The following TRIM66 variants were observed in gnomAD, a reference collection of about 807,000 sequenced individuals.
TRIM66 encodes the protein tripartite motif containing 66.
A neutral mutation model predicts 148.2 loss-of-function variants in TRIM66; 99 were observed. That is an observed-to-expected ratio of 0.67 (90% CI 0.57 to 0.79). TRIM66 has a LOEUF of 0.79. Ranked by LOEUF, TRIM66 falls within the 30% of genes least tolerant of loss-of-function variation. The pLI is 0.00. For missense variants in TRIM66, 1,666 were observed against 1,697.9 expected (o/e 0.98, Z 0.33); for synonymous variants, 616 against 635.9 (o/e 0.97, Z 0.47).
At chr11:8,676,526 G>C (rs1272865518) in intron 3 of TRIM66, among the ~76,000 whole-genome samples, 1 of 152,180 alleles carries the variant, frequency 6.6e-6, no homozygotes, top group Non-Finnish European at 1.5e-5. Flanking sequence ...CAGGGAGGTA[G>C]CATGGCTTTC....
At position 8,649,851 on chromosome 11, in the gene TRIM66, T is replaced by C; in HGVS notation, c.481A>G (p.Ile161Val). ...SECKEKRAAH[I>V]LCTYCNRWLC... is the part of the protein sequence containing the mutation. The stretch of plus-strand genomic sequence containing the variant: ...CAGCGATTGCAGTAGGTGCAGAGGA[T>C]ATGTGCTGCCCTCTTCTCCTTGCAC... Residue 161 changes from isoleucine (I) to valine (V), a missense_variant, in exon 8 of 25, where the codon ATC becomes GTC. Physicochemically the swap from Ile to Val is conservative, Grantham distance 29 (BLOSUM62 3). Transcript: ENST00000646038. 1 of 1,551,596 alleles carries C rather than the reference T, an allele frequency of 6.4e-7. No homozygotes were observed. The highest frequency in any genetic ancestry group is 2.4e-5 in the East Asian group (1 of 40,908).
rs778608232 is a variant in TRIM66 at position 8,625,104 on chromosome 11, G to A, written c.2435C>T (p.Pro812Leu). 19 of 1,551,574 alleles carry A rather than the reference G, an allele frequency of 1.2e-5. No homozygotes were observed. In the African/African-American group the frequency reaches 2.3e-4, roughly 19 times the overall value. ...ACTCAGCAGGCTTGGTACTGCCTGG[G>A]GGGCACCAGCTGTCAGGTTGCTCAC... is the stretch of plus-strand genomic sequence containing the variant. ...QSVSNLTAGA[P>L]QAVPSLLSAP... The change falls in exon 16 of 25, where the codon CCC becomes CTC. Residue 812 changes from proline to leucine, a missense_variant. Pro to Leu is a moderately conservative substitution (Grantham distance 98). Transcript: ENST00000646038.
At chr11:8,652,088 T>TG (rs1370981451) in intron 6 of TRIM66, among the ~76,000 whole-genome samples, 185 bp from the exon 7 acceptor site, 13 of 152,294 alleles carry the variant, frequency 8.5e-5, no homozygotes, top group Admixed American at 7.8e-4. Context: ...ACCATCCCAT[T>TG]GGGGCCTTCC....
At chr11:8,652,003 C>G in intron 6 of TRIM66, 100 bp from the exon 7 acceptor site, 3 of 915,030 alleles carry the variant, frequency 3.3e-6, no homozygotes, top group East Asian at 2.6e-5. Flanking sequence ...AGATACATGG[C>G]AATACCCATG....
At chr11:8,683,044 G>T, upstream of TRIM66, 1 of 864,108 alleles carries the variant, frequency 1.2e-6, no homozygotes, top group Non-Finnish European at 1.8e-6. Flanking sequence ...CTACCGTGGT[G>T]AGACCTCACG....
chr11:8,622,806 A>G lies in TRIM66; in HGVS notation c.3080+10T>C, dbSNP rs942798417. The G allele has an allele frequency of 4.5e-6, 7 of 1,551,622 alleles. No individual in the cohort carries two copies. In the African/African-American group the frequency reaches 9.6e-5, roughly 21 times the overall value. ...ATGGGTGGGAGGGAGATTAGCCAGA[A>G]GGCTGTTACCTGATGCTCTGGTTCT... On this transcript the variant is annotated intron_variant, in intron 18 of 24. Coordinates refer to ENST00000646038, the MANE Select transcript of TRIM66 (RefSeq NM_001388022.1).
chr11:8,640,795 AG>A lies in TRIM66; in HGVS notation c.1579del (p.Leu527CysfsTer25). 1 of 1,551,002 alleles carries A rather than the reference AG, an allele frequency of 6.4e-7. No individual in the cohort carries two copies. Among genetic ancestry groups the A allele is most frequent in the Non-Finnish European group, 8.7e-7 (1 of 1,146,974 alleles). On this transcript the variant is annotated frameshift_variant, in exon 14 of 25. Transcript: ENST00000646038. LOFTEE classifies it high-confidence loss of function. Reference sequence around the variant, plus strand: ...CTGGGTTTCCAGCCAGGGCTGCAGCAGCTTTGGTGGATGAGGGCTGCAGGCC... The same window carrying A: ...CTGGGTTTCCAGCCAGGGCTGCAGCACTTTGGTGGATGAGGGCTGCAGGCC... ...ELACSPHPPK[L>X]LQPWLETQPP...
chr11:8,678,885 G>T (rs984685108), intron 3 of TRIM66, among the ~76,000 whole-genome samples: 1 of 152,180 alleles, frequency 6.6e-6, no homozygotes, highest in African/African-American at 2.4e-5. Context: ...AAGGCCACCT[G>T]GAGAGAGGCC....
At position 8,612,346 on chromosome 11, in the gene TRIM66, G is replaced by A. The variant is rs887562379; in HGVS notation, c.*5598C>T. The A allele has an allele frequency of 1.3e-5, 2 of 152,158 alleles. No homozygotes were observed. Among genetic ancestry groups the A allele is most frequent in the Non-Finnish European group, 2.9e-5 (2 of 68,054 alleles). 9.4% of individuals were successfully genotyped at this position (152,158 alleles called of 1,614,324 possible). ...CTCCCCCAGCTGTGTCCCACCCCTG[G>A]AATTCCCCTGTTCCTTATGTGGCCT... On this transcript the variant is annotated 3_prime_UTR_variant, in exon 25 of 25. Transcript: ENST00000646038.
chr11:8,612,225 G>C lies in TRIM66; in HGVS notation c.*5719C>G, dbSNP rs1013774941. On this transcript the variant is annotated 3_prime_UTR_variant, in exon 25 of 25. Transcript: ENST00000646038. ...AAGAAAGGGGTACAGCTTGAGGAAT[G>C]GGCATATGGCTCAGGAAGCAGCACC... The C allele has an allele frequency of 6.6e-6, 1 of 152,150 alleles. No individual in the cohort carries two copies. The highest frequency in any genetic ancestry group is 6.5e-5 in the Admixed American group (1 of 15,278). The allele number at this position is 152,150 out of a possible 1,614,324, so 9.4% of individuals were successfully genotyped here. A position where few individuals can be genotyped will look rare whatever the true frequency, so the allele number is the denominator to read the frequency against.
rs55732506 is a variant in TRIM66, at chr11:8,628,636, A to AAGAGAGAGAG, written c.2311-3409_2311-3408insCTCTCTCTCT. 1.0e-3 allele frequency among the ~76,000 whole-genome samples: 94 copies of AAGAGAGAGAG among 93,342 alleles called. 2 individuals are homozygous for AAGAGAGAGAG. The highest frequency in any genetic ancestry group is 1.6e-3 in the Non-Finnish European group (68 of 42,942). 61.2% of individuals were successfully genotyped at this position (93,342 alleles called of 152,430 possible). On this transcript the variant is annotated intron_variant, in intron 15 of 24. Coordinates refer to ENST00000646038, the MANE Select transcript of TRIM66 (RefSeq NM_001388022.1). ...TCAAAAAAAAAAAAAAAAAAAAAAA[A>AAGAGAGAGAG]AGAGAGAGAATCCAGATCTTTGGTA... is the stretch of plus-strand genomic sequence containing the variant.
rs776834444 is a variant in TRIM66, at chr11:8,614,916, A to C, written c.*3028T>G. ...CATGTTCTGTGGAAGAGTGCTCTGC[A>C]AGTTCATCCTGAACCAATTTTTTTT... On this transcript the variant is annotated 3_prime_UTR_variant, in exon 25 of 25. Coordinates refer to ENST00000646038, the MANE Select transcript of TRIM66 (RefSeq NM_001388022.1). 3 of 152,266 alleles carry C rather than the reference A, an allele frequency of 2.0e-5. No individual in the cohort carries two copies. Among genetic ancestry groups the C allele is most frequent in the Non-Finnish European group, 4.4e-5 (3 of 68,112 alleles). The allele number at this position is 152,266 out of a possible 1,614,324, so 9.4% of individuals were successfully genotyped here.
intron 15 of TRIM66, among the ~76,000 whole-genome samples, chr11:8,625,996 T>G (rs971425242): frequency 6.6e-6 from 1 of 152,202 alleles, no homozygotes; most frequent in Admixed American, 6.5e-5. Flanking sequence ...AATCTTAATA[T>G]CACCCAATCC....
intron 3 of TRIM66, among the ~76,000 whole-genome samples, chr11:8,678,418 A>C (rs948653740): frequency 6.6e-6 from 1 of 152,254 alleles, no homozygotes; most frequent in East Asian, 1.9e-4. Flanking sequence ...GGATTTGTAT[A>C]CTATGATCAC....
Position 8,619,060 on chromosome 11 carries a change from A to G in TRIM66, c.3901-92T>C, listed in dbSNP as rs532437708. 4.9e-5 allele frequency: 59 copies of G among 1,207,674 alleles called. 1 individual carries two copies. In the South Asian group the frequency reaches 7.6e-4, roughly 15 times the overall value. 74.8% of individuals were successfully genotyped at this position (1,207,674 alleles called of 1,614,324 possible). On this transcript the variant is annotated intron_variant, in intron 23 of 24. Coordinates refer to ENST00000646038, the MANE Select transcript of TRIM66 (RefSeq NM_001388022.1). ...AAGAGCTACACAGAGCACAAAGCCT[A>G]GCGGGGTGTCCTGAGGTGTCTGGAA...
intron 7 of TRIM66, among the ~76,000 whole-genome samples, chr11:8,650,481 A>G (rs1214537844): frequency 2.1e-5 from 3 of 143,062 alleles, no homozygotes; most frequent in Admixed American, 1.4e-4. Flanking sequence ...GGGAAGGAGG[A>G]AGGGAAGGAG....
intron 7 of TRIM66, among the ~76,000 whole-genome samples, chr11:8,651,582 A>G (rs554036603): frequency 5.3e-5 from 8 of 152,330 alleles, no homozygotes; most frequent in African/African-American, 1.9e-4. Flanking sequence ...TTGACACAAA[A>G]AAAAGTCAAT....
chr11:8,624,313 G>A (rs763266442), intron 17 of TRIM66, 46 bp downstream of exon 17: 15 of 1,538,988 alleles, frequency 9.7e-6, no homozygotes, highest in Non-Finnish European at 1.3e-5. Flanking sequence ...GAGTCCATCT[G>A]CTCAAGTCTG....
Position 8,651,837 on chromosome 11 carries a change from A to C in TRIM66, c.407T>G (p.Leu136Arg). ...LTRDVTEHFF[L>R]HCVPTEQPKM... ...GGGTTGCTCAGTAGGAACACAATGCAGAAAAAAATGTTCAGTTACATCCCT... is the reference window on the plus strand; with the variant it reads ...GGGTTGCTCAGTAGGAACACAATGCCGAAAAAAATGTTCAGTTACATCCCT... The change falls in exon 7 of 25, where the codon CTG (leucine) becomes CGG (arginine). Residue 136 changes from leucine to arginine, a missense_variant. Coordinates refer to ENST00000646038, the MANE Select transcript of TRIM66 (RefSeq NM_001388022.1). The C allele has an allele frequency of 1.3e-6, 2 of 1,551,772 alleles. No homozygotes were observed. The highest frequency in any genetic ancestry group is 1.7e-6 in the Non-Finnish European group (2 of 1,147,014).
Sources: gnomAD v4.1 joint callset for allele counts (sites outside exome capture counted in the v4.1 genomes callset) on GRCh38, gnomAD v4.1.1 for gene constraint, MANE v1.5 for transcripts, NCBI Gene and HGNC (gene_info 2026-07-23, HGNC 2026-07-21) for gene names.